THSD7B: variants seen among roughly 807,000 people sequenced by gnomAD.
THSD7B encodes thrombospondin type-1 domain-containing protein 7B.
THSD7B carries 138 observed loss-of-function variants against 213.6 expected under a neutral mutation model. The ratio of observed to expected loss-of-function variants is 0.65; its 90% CI spans 0.56 to 0.74. The LOEUF (loss-of-function observed/expected upper bound fraction) is 0.74, where lower values mean the gene tolerates loss of function less well. Among genes scored for constraint, THSD7B ranks in the 30% least tolerant of loss-of-function variants. The probability of loss-of-function intolerance (pLI) is 0.00; values close to 1 mark genes in which losing one functional copy is unlikely to be tolerated. For synonymous variants in THSD7B, 742 were observed against 687.0 expected, an observed-to-expected ratio of 1.08 and a Z score of -1.25; for missense variants, 1,931 against 1,991.5, an observed-to-expected ratio of 0.97 and a Z score of 0.58.
intron 5 of THSD7B, among the ~76,000 whole-genome samples, chr2:137,149,379 A>AG (rs59814822): frequency 1 from 152,324 of 152,324 alleles, 76,162 homozygotes; most frequent in Non-Finnish European, 1. Context: ...AGTCCCCACC[A>AG]GGCACTGCCT....
chr2:137,539,540 A>G (rs1261581699), intron 15 of THSD7B, among the ~76,000 whole-genome samples: 1 of 151,706 alleles, frequency 6.6e-6, no homozygotes, highest in Admixed American at 6.6e-5. Context: ...TCATGGCACA[A>G]TATTCTTGGG....
At chr2:137,287,296 A>T (rs1332193331) in intron 12 of THSD7B, among the ~76,000 whole-genome samples, 1 of 152,152 alleles carries the variant, frequency 6.6e-6, no homozygotes, top group African/African-American at 2.4e-5. Flanking sequence ...AAATGTAGAA[A>T]TTAGACCATG....
chr2:137,493,144 A>AC (rs1241506691), intron 15 of THSD7B, among the ~76,000 whole-genome samples: 2 of 151,022 alleles, frequency 1.3e-5, no homozygotes, highest in African/African-American at 2.4e-5. Flanking sequence ...AAAAAAAAAA[A>AC]AAAACAGGAA....
intron 12 of THSD7B, among the ~76,000 whole-genome samples, chr2:137,396,322 C>T (rs1336133288): frequency 7.3e-6 from 1 of 137,154 alleles, no homozygotes; most frequent in Admixed American, 7.6e-5. Context: ...TTTCCCTCTA[C>T]ACACTGCTTT....
At chr2:137,255,048 A>G (rs1228369857) in intron 10 of THSD7B, among the ~76,000 whole-genome samples, 2 of 152,206 alleles carry the variant, frequency 1.3e-5, no homozygotes, top group Non-Finnish European at 2.9e-5. Context: ...CATTGCAAGA[A>G]TGTAAACTTT....
At chr2:137,262,241 G>T (rs890606586) in intron 10 of THSD7B, among the ~76,000 whole-genome samples, 3 of 152,140 alleles carry the variant, frequency 2.0e-5, no homozygotes, top group Admixed American at 6.5e-5. Context: ...TAATATTGGT[G>T]ACAGCATCTT....
intron 2 of THSD7B, among the ~76,000 whole-genome samples, chr2:136,911,331 T>C (rs1236240350): frequency 6.6e-6 from 1 of 152,228 alleles, no homozygotes; most frequent in East Asian, 1.9e-4. Context: ...TCTTTGATCA[T>C]CTGTGTGTTT....
rs574867590 is a variant in THSD7B at position 137,515,708 on chromosome 2, A to C, written c.3139-47513A>C. Among the ~76,000 whole-genome samples, 37 of 151,978 alleles carry C rather than the reference A, an allele frequency of 2.4e-4. No homozygotes were observed. In the South Asian group the frequency reaches 4.6e-3, roughly 19 times the overall value. On this transcript the variant is annotated intron_variant, in intron 15 of 27. Coordinates refer to ENST00000409968, the MANE Select transcript of THSD7B (RefSeq NM_001316349.2). Reference sequence around the variant, plus strand: ...ATGTTGCAGCTCAGGGAGTTAAAAAAGTTTCTAATAATTTATTTCCTTGGT... The same window carrying C: ...ATGTTGCAGCTCAGGGAGTTAAAAACGTTTCTAATAATTTATTTCCTTGGT...
intron 20 of THSD7B, among the ~76,000 whole-genome samples, chr2:137,621,767 T>C (rs1463841911): frequency 2.0e-5 from 3 of 152,224 alleles, no homozygotes; most frequent in African/African-American, 4.8e-5. Flanking sequence ...TTTGTGCTGC[T>C]ATAATAGAAC....
chr2:137,035,542 T>C (rs181160977), intron 2 of THSD7B, among the ~76,000 whole-genome samples: 46 of 152,046 alleles, frequency 3.0e-4, no homozygotes, highest in Admixed American at 2.8e-3. Flanking sequence ...TGGAAAGGGA[T>C]AGTGTTTCTG....
chr2:137,404,624 A>G (rs981698116), intron 12 of THSD7B, among the ~76,000 whole-genome samples: 3 of 150,712 alleles, frequency 2.0e-5, no homozygotes, highest in Non-Finnish European at 4.4e-5. Context: ...GATCATATAT[A>G]TGATCGTATA....
intron 15 of THSD7B, among the ~76,000 whole-genome samples, chr2:137,528,224 T>C (rs1680315463): frequency 6.6e-6 from 1 of 152,134 alleles, no homozygotes; most frequent in Non-Finnish European, 1.5e-5. Flanking sequence ...TTGTATAGTT[T>C]GGAAGTTACA....
At chr2:137,284,801 A>G (rs1683126589) in intron 12 of THSD7B, among the ~76,000 whole-genome samples, 1 of 152,070 alleles carries the variant, frequency 6.6e-6, no homozygotes, top group Non-Finnish European at 1.5e-5. Context: ...ACATTTGCTG[A>G]GGAGTGCTTT....
At chr2:136,971,660 A>ACACACACG (rs1558871888) in intron 2 of THSD7B, among the ~76,000 whole-genome samples, 1 of 151,208 alleles carries the variant, frequency 6.6e-6, no homozygotes, top group African/African-American at 2.4e-5. Context: ...ACACACACAC[A>ACACACACG]CACACACACA....
intron 15 of THSD7B, among the ~76,000 whole-genome samples, chr2:137,542,177 A>T (rs545087892): frequency 4.0e-5 from 6 of 151,842 alleles, no homozygotes; most frequent in African/African-American, 1.4e-4. Context: ...TCAAAGCCAA[A>T]CATAAAGAAT....
intron 3 of THSD7B, among the ~76,000 whole-genome samples, chr2:137,081,762 C>T (rs917298096): frequency 3.3e-5 from 5 of 152,002 alleles, no homozygotes; most frequent in African/African-American, 1.2e-4. Context: ...GCAGTTTTAC[C>T]TGAAGGTAGT....
At chr2:137,332,498 T>G (rs1272888056) in intron 12 of THSD7B, among the ~76,000 whole-genome samples, 1 of 152,108 alleles carries the variant, frequency 6.6e-6, no homozygotes, top group African/African-American at 2.4e-5. Flanking sequence ...TAGATGACAG[T>G]TTGGACTTAG....
rs1337641067 is a variant in THSD7B at position 137,353,949 on chromosome 2, C to T, written c.2501-51664C>T. On this transcript the variant is annotated intron_variant, in intron 12 of 27. Transcript: ENST00000409968. ...TTTGTGCCAGTTTTCATTAGAAAAG[C>T]CAATCTTAAAACCATCTGGCCCACT... Among the ~76,000 whole-genome samples the T allele has an allele frequency of 2.6e-5, 4 of 152,128 alleles. No homozygotes were observed. In the East Asian group the frequency reaches 7.8e-4, roughly 30 times the overall value.
intron 12 of THSD7B, among the ~76,000 whole-genome samples, chr2:137,360,128 G>C (rs1049222013): frequency 6.6e-6 from 1 of 152,108 alleles, no homozygotes; most frequent in Admixed American, 6.6e-5. Flanking sequence ...AATGTAACAG[G>C]GTCCTCGGAA....
Sources: gnomAD v4.1 joint callset for allele counts (sites outside exome capture counted in the v4.1 genomes callset) on GRCh38, gnomAD v4.1.1 for gene constraint, MANE v1.5 for transcripts, NCBI Gene and HGNC (gene_info 2026-07-23, HGNC 2026-07-21) for gene names.